XIRP2: variants seen among roughly 807,000 people sequenced by gnomAD.
The protein encoded by XIRP2 is xin actin-binding repeat-containing protein 2.
Under a neutral mutation model 277.0 loss-of-function variants are expected in XIRP2, and 236 were observed. That is an observed-to-expected ratio of 0.85 (90% CI 0.77 to 0.95). The LOEUF (loss-of-function observed/expected upper bound fraction) is 0.95, where lower values mean the gene tolerates loss of function less well. Ranked by LOEUF, XIRP2 falls within the 40% of genes least tolerant of loss-of-function variation. The pLI is 0.00. For synonymous variants in XIRP2, 1,490 were observed against 1,416.5 expected, an observed-to-expected ratio of 1.05 and a Z score of -1.17; for missense variants, 4,640 against 4,157.5, an observed-to-expected ratio of 1.12 and a Z score of -3.19.
chr2:166,894,068 A>G (rs1443947179), intron 1 of XIRP2, among the ~76,000 whole-genome samples: 1 of 152,116 alleles, frequency 6.6e-6, no homozygotes, highest in African/African-American at 2.4e-5. Flanking sequence ...TGACAGGCAA[A>G]ATTGTGGTCA....
chr2:167,157,451 C>T (rs1692233872), intron 3 of XIRP2, among the ~76,000 whole-genome samples: 1 of 152,016 alleles, frequency 6.6e-6, no homozygotes, highest in African/African-American at 2.4e-5. Flanking sequence ...AGATGTTTTT[C>T]TTTATTTATA....
intron 2 of XIRP2, among the ~76,000 whole-genome samples, chr2:166,931,791 A>G (rs1192073363): frequency 2.6e-5 from 4 of 152,180 alleles, no homozygotes; most frequent in African/African-American, 9.7e-5. Context: ...CTTGGATAGA[A>G]GTATAATTAC....
intron 2 of XIRP2, among the ~76,000 whole-genome samples, chr2:166,904,576 A>G (rs1684468037): frequency 6.6e-6 from 1 of 152,166 alleles, no homozygotes; most frequent in Non-Finnish European, 1.5e-5. Flanking sequence ...TTTAGGAAAC[A>G]GGATTAGCAA....
intron 3 of XIRP2, among the ~76,000 whole-genome samples, chr2:167,147,596 T>A (rs1574297096): frequency 6.6e-6 from 1 of 152,224 alleles, no homozygotes; most frequent in East Asian, 1.9e-4. Flanking sequence ...GCTTCCCTGG[T>A]TGGTAATACT....
chr2:167,120,331 C>A (rs904640345), intron 2 of XIRP2, among the ~76,000 whole-genome samples: 1 of 152,140 alleles, frequency 6.6e-6, no homozygotes, highest in Non-Finnish European at 1.5e-5. Flanking sequence ...GGCATCTGTT[C>A]CTCCATGGCA....
chr2:167,096,149 T>C (rs2105281070), intron 2 of XIRP2, among the ~76,000 whole-genome samples: 1 of 152,140 alleles, frequency 6.6e-6, no homozygotes, highest in South Asian at 2.1e-4. Context: ...GTACCTCTGG[T>C]ATAATTTCGC....
In XIRP2 at chr2:167,024,641, G is replaced by T. The variant is rs185550217; in HGVS notation, c.409-111268G>T. Reference sequence around the variant, plus strand: ...GAGATACATCCCATCAATACCTAATGTATTGAGAGTTTTTAGCATGACGTG... The same window carrying T: ...GAGATACATCCCATCAATACCTAATTTATTGAGAGTTTTTAGCATGACGTG... On this transcript the variant is annotated intron_variant, in intron 2 of 10. Coordinates refer to ENST00000409195, the MANE Select transcript of XIRP2 (RefSeq NM_152381.6). Among the ~76,000 whole-genome samples the T allele has an allele frequency of 2.8e-3, 424 of 152,076 alleles. 3 individuals are homozygous for T. Among genetic ancestry groups the T allele is most frequent in the African/African-American group, 9.6e-3 (397 of 41,512 alleles).
At chr2:166,985,526 G>C (rs1051216407) in intron 2 of XIRP2, among the ~76,000 whole-genome samples, 18 of 151,870 alleles carry the variant, frequency 1.2e-4, no homozygotes, top group Non-Finnish European at 2.4e-4. Context: ...CGCCTCCTGG[G>C]TTCAAGCAAT....
At chr2:166,926,125 A>G (rs746774265) in intron 2 of XIRP2, among the ~76,000 whole-genome samples, 1 of 152,036 alleles carries the variant, frequency 6.6e-6, no homozygotes, top group Non-Finnish European at 1.5e-5. Context: ...ACAATCAGGT[A>G]TATAGGATTT....
chr2:166,935,553 T>C (rs1205591366), intron 2 of XIRP2, among the ~76,000 whole-genome samples: 2 of 152,182 alleles, frequency 1.3e-5, no homozygotes, highest in Non-Finnish European at 1.5e-5. Flanking sequence ...CCTAATGTTA[T>C]TGCTACCCCC....
chr2:167,121,794 G>A (rs901143522), intron 2 of XIRP2, among the ~76,000 whole-genome samples: 1 of 152,174 alleles, frequency 6.6e-6, no homozygotes, highest in South Asian at 2.1e-4. Context: ...TGAAAATAAG[G>A]TTACACAGCA....
intron 2 of XIRP2, among the ~76,000 whole-genome samples, chr2:167,130,026 AGCGAGAGAC>A (rs2105312769): frequency 6.6e-6 from 1 of 152,238 alleles, no homozygotes; most frequent in South Asian, 2.1e-4. Flanking sequence ...ATATTATTTA[AGCGAGAGAC>A]TCCACCAGTA....
In XIRP2 at chr2:167,250,202, A is replaced by T; in HGVS notation, c.8810A>T (p.Asp2937Val). 3.1e-6 allele frequency: 5 copies of T among 1,613,586 alleles called. No homozygotes were observed. The highest frequency in any genetic ancestry group is 4.2e-6 in the Non-Finnish European group (5 of 1,179,698). The change falls in exon 9 of 11, where the codon GAT (aspartate) becomes GTT (valine). Residue 2937 changes from aspartate to valine, a missense_variant. Transcript: ENST00000409195. ...TCTGTGAAAGAATCCCAGCGGGATG[A>T]TGGAAAAGGTGCCTTAAATATAGTG... Reference protein sequence around the residue: ...FSSVKESQRDDGKGALNIVEF... With the variant: ...FSSVKESQRDVGKGALNIVEF...
chr2:167,250,620 A>G lies in XIRP2; in HGVS notation c.9228A>G (p.Lys3076=), dbSNP rs895660299. Residue 3076 remains lysine (K), a synonymous_variant, in exon 9 of 11, where the codon AAA becomes AAG. Coordinates refer to ENST00000409195, the MANE Select transcript of XIRP2 (RefSeq NM_152381.6). ...NSEQKENKIA[K]EKTVQHQVAA... is the part of the protein sequence containing the mutation. ...AACAGAAAGAAAATAAAATTGCCAA[A>G]GAGAAAACAGTACAGCACCAAGTAG... 7 of 1,613,398 alleles carry G rather than the reference A, an allele frequency of 4.3e-6. No individual in the cohort carries two copies. Among genetic ancestry groups the G allele is most frequent in the African/African-American group, 1.3e-5 (1 of 74,930 alleles).
chr2:166,919,383 C>T (rs142858317), intron 2 of XIRP2, among the ~76,000 whole-genome samples: 20 of 152,150 alleles, frequency 1.3e-4, no homozygotes, highest in Admixed American at 2.6e-4. Context: ...TTGTTTTATG[C>T]GAATGTAAGT....
chr2:167,141,574 G>A (rs1331236017), intron 3 of XIRP2, among the ~76,000 whole-genome samples: 1 of 152,158 alleles, frequency 6.6e-6, no homozygotes, highest in African/African-American at 2.4e-5. Context: ...ACACGGGAAG[G>A]TGACATTTAA....
chr2:167,192,835 C>T, intron 3 of XIRP2, among the ~76,000 whole-genome samples: 1 of 152,132 alleles, frequency 6.6e-6, no homozygotes, highest in East Asian at 1.9e-4. Flanking sequence ...CAATCAACAG[C>T]TTGATCCCCT....
intron 2 of XIRP2, among the ~76,000 whole-genome samples, chr2:166,980,565 C>T (rs1035144441): frequency 1.4e-4 from 22 of 152,112 alleles, no homozygotes; most frequent in South Asian, 8.3e-4. Context: ...TACAGGCACC[C>T]GCCACCACGT....
chr2:167,133,299 C>G (rs1210255284), intron 2 of XIRP2, among the ~76,000 whole-genome samples: 1 of 152,202 alleles, frequency 6.6e-6, no homozygotes, highest in East Asian at 1.9e-4. Flanking sequence ...CAGCTCAATT[C>G]AGCCTCATCC....
Sources: allele counts gnomAD v4.1 joint callset (sites outside exome capture counted in the v4.1 genomes callset), GRCh38; gene constraint gnomAD v4.1.1; transcripts MANE v1.5; gene names NCBI Gene and HGNC (gene_info 2026-07-23, HGNC 2026-07-21).